TBCD: variants seen among roughly 807,000 people sequenced by gnomAD.
TBCD encodes the protein tubulin folding cofactor D.
In TBCD, 105 loss-of-function variants were observed where a neutral mutation model predicts 169.3. That is an observed-to-expected ratio of 0.62 (90% CI 0.53 to 0.73). TBCD has a LOEUF of 0.73. Among genes scored for constraint, TBCD ranks in the 30% least tolerant of loss-of-function variants. The pLI is 0.00. For synonymous variants in TBCD, 700 were observed against 643.9 expected (o/e 1.09, Z -1.32); for missense variants, 1,444 against 1,600.1 (o/e 0.90, Z 1.66).
intron 6 of TBCD, among the ~76,000 whole-genome samples, chr17:82,778,766 A>G (rs1360543270): frequency 1.3e-5 from 2 of 151,018 alleles, no homozygotes; most frequent in Non-Finnish European, 2.9e-5. Context: ...GGTTCAAGTG[A>G]TTATCCTGCC....
chr17:82,832,260 G>C lies in TBCD; in HGVS notation c.1318+17326G>C, dbSNP rs1171865578. 6.2e-7 allele frequency: 1 copy of C among 1,614,260 alleles called. No homozygotes were observed. Among genetic ancestry groups the C allele is most frequent in the Non-Finnish European group, 8.5e-7 (1 of 1,180,044 alleles). ...TGGGGTCTAGTGAGTTAGATTTAGG[G>C]CACTTGGGAACTCGATCCTGCTCTG... On this transcript the variant is annotated intron_variant, in intron 13 of 38. Transcript: ENST00000355528. The surrounding 1 kb of genome is among the most constrained non-coding windows in gnomAD (Gnocchi z 4.9).
chr17:82,811,408 G>A (rs1210647564), intron 12 of TBCD, among the ~76,000 whole-genome samples: 1 of 152,196 alleles, frequency 6.6e-6, no homozygotes, highest in East Asian at 1.9e-4. Flanking sequence ...ATTTTTCCTG[G>A]CTGGTTTAAT....
At chr17:82,762,285 C>T (rs186861611) in intron 2 of TBCD, among the ~76,000 whole-genome samples, 24 of 132,320 alleles carry the variant, frequency 1.8e-4, no homozygotes. Context: ...CACTGCACTC[C>T]AGCCTGGGTG....
intron 9 of TBCD, among the ~76,000 whole-genome samples, chr17:82,803,592 T>C (rs528591979): frequency 1.3e-5 from 2 of 152,158 alleles, no homozygotes; most frequent in African/African-American, 4.8e-5. Flanking sequence ...CTTGGTACGG[T>C]GTAGAAAGTA....
intron 6 of TBCD, among the ~76,000 whole-genome samples, chr17:82,775,928 T>G (rs944041197): frequency 6.6e-6 from 1 of 152,076 alleles, no homozygotes; most frequent in African/African-American, 2.4e-5. Flanking sequence ...TTAATAGATA[T>G]GCCTTTCGCC....
intron 9 of TBCD, 48 bp downstream of exon 9, chr17:82,801,044 G>T (rs754907329): frequency 6.9e-5 from 107 of 1,544,788 alleles, no homozygotes; most frequent in Non-Finnish European, 8.6e-5. Context: ...GGGTGGGGAG[G>T]GGTTGCTGTG....
chr17:82,846,152 G>C (rs1368134012), intron 13 of TBCD, among the ~76,000 whole-genome samples: 2 of 147,500 alleles, frequency 1.4e-5, no homozygotes, highest in Non-Finnish European at 3.0e-5. Context: ...GATGGGACTG[G>C]GAGGCTTAGG....
intron 13 of TBCD, among the ~76,000 whole-genome samples, chr17:82,840,789 G>T (rs564962774): frequency 1.9e-3 from 294 of 152,170 alleles, no homozygotes; most frequent in African/African-American, 6.1e-3. Context: ...TGCTTAATCG[G>T]AGGCCGCACC....
intron 13 of TBCD, among the ~76,000 whole-genome samples, chr17:82,852,852 G>A (rs1476689388): frequency 6.6e-6 from 1 of 152,184 alleles, no homozygotes; most frequent in East Asian, 1.9e-4. Context: ...TGTGGATGTG[G>A]TTTTTGTCTT....
chr17:82,927,289 T>C lies in TBCD; in HGVS notation c.2575T>C (p.Tyr859His). The C allele has an allele frequency of 6.2e-7, 1 of 1,613,998 alleles. No homozygotes were observed. The highest frequency in any genetic ancestry group is 8.5e-7 in the Non-Finnish European group (1 of 1,179,876). The change falls in exon 29 of 39, where the codon TAC (tyrosine) becomes CAC (histidine). Residue 859 changes from tyrosine to histidine, a missense_variant. Physicochemically the swap from Tyr to His is moderately conservative, Grantham distance 83. Transcript: ENST00000355528. ...TGCGCTGCTGGGCTGCATGGACGACTACACCACGGACAGCAGAGGGGACGT... is the reference window on the plus strand; with the variant it reads ...TGCGCTGCTGGGCTGCATGGACGACCACACCACGGACAGCAGAGGGGACGT... ...YCALLGCMDD[Y>H]TTDSRGDVGT... is the part of the protein sequence containing the mutation.
At chr17:82,808,026 C>G (rs1230359428) in intron 11 of TBCD, among the ~76,000 whole-genome samples, 1 of 152,216 alleles carries the variant, frequency 6.6e-6, no homozygotes, top group Non-Finnish European at 1.5e-5. Context: ...GGGAAGAGCC[C>G]TCTTTTGTGG....
chr17:82,752,740 C>T (rs968657942), intron 1 of TBCD, among the ~76,000 whole-genome samples: 7 of 152,166 alleles, frequency 4.6e-5, no homozygotes, highest in African/African-American at 7.2e-5. Context: ...CGGGCCAGAC[C>T]CCTCCGGACA....
At position 82,831,859 on chromosome 17, in the gene TBCD, G is replaced by A; in HGVS notation, c.1318+16925G>A. The A allele has an allele frequency of 1.9e-6, 3 of 1,614,206 alleles. No homozygotes were observed. The highest frequency in any genetic ancestry group is 2.5e-6 in the Non-Finnish European group (3 of 1,180,024). The stretch of plus-strand genomic sequence containing the variant: ...CCAGGGGTAGCCAGGAGTGTGGAAG[G>A]CCGACTTGGTGTGGAAAGACACGGC... On this transcript the variant is annotated intron_variant, in intron 13 of 38. Coordinates refer to ENST00000355528, the MANE Select transcript of TBCD (RefSeq NM_005993.5). The surrounding 1 kb of genome is among the most constrained non-coding windows in gnomAD (Gnocchi z 4.6).
intron 13 of TBCD, among the ~76,000 whole-genome samples, chr17:82,823,246 C>T (rs1435152993): frequency 6.6e-6 from 1 of 152,198 alleles, no homozygotes; most frequent in Non-Finnish European, 1.5e-5. Flanking sequence ...TGGCCTGACC[C>T]TGCTGCCCCC....
chr17:82,776,082 G>A (rs535381912), intron 6 of TBCD, among the ~76,000 whole-genome samples: 1 of 152,220 alleles, frequency 6.6e-6, no homozygotes, highest in South Asian at 2.1e-4. Flanking sequence ...AGCTGGGCAT[G>A]GTGGTGCGTG....
At chr17:82,855,228 G>A (rs1295955241) in intron 13 of TBCD, among the ~76,000 whole-genome samples, 6 of 134,568 alleles carry the variant, frequency 4.5e-5, no homozygotes, top group African/African-American at 1.4e-4. Flanking sequence ...GCAGGGAAAG[G>A]TGTTTGCTTT....
chr17:82,897,475 G>A (rs1341747050), intron 17 of TBCD, among the ~76,000 whole-genome samples: 1 of 143,400 alleles, frequency 7.0e-6, no homozygotes, highest in East Asian at 2.1e-4. Context: ...CCGAAATCGC[G>A]CCACTGCACT....
intron 13 of TBCD, among the ~76,000 whole-genome samples, chr17:82,816,988 T>C (rs748450785): frequency 2.0e-5 from 3 of 152,134 alleles, no homozygotes; most frequent in Admixed American, 6.6e-5. Context: ...TTTGGAGAAA[T>C]GTCTTTTCAA....
intron 13 of TBCD, among the ~76,000 whole-genome samples, chr17:82,828,471 TACAC>T (rs373899148): frequency 0.01 from 1,455 of 141,230 alleles, 22 homozygotes; most frequent in African/African-American, 0.036. Context: ...CACCCACAGA[TACAC>T]ACACGTGCAC....
Sources: allele counts gnomAD v4.1 joint callset (sites outside exome capture counted in the v4.1 genomes callset), GRCh38; gene constraint gnomAD v4.1.1; non-coding constraint Gnocchi (gnomAD v3.1); transcripts MANE v1.5; gene names NCBI Gene and HGNC (gene_info 2026-07-23, HGNC 2026-07-21).